Variants in LMBR1 observed in about 807,000 individuals in gnomAD.
LMBR1 encodes limb region 1 protein homolog.
LMBR1 carries 52 observed loss-of-function variants against 73.9 expected under a neutral mutation model. The ratio of observed to expected loss-of-function variants is 0.70; its 90% CI spans 0.56 to 0.89. LMBR1 has a LOEUF of 0.89. Ranked by LOEUF, LMBR1 falls within the 40% of genes least tolerant of loss-of-function variation. LMBR1 has a pLI of 0.00. For synonymous variants in LMBR1, 215 were observed against 209.4 expected, an observed-to-expected ratio of 1.03 and a Z score of -0.23; for missense variants, 539 against 579.8, an observed-to-expected ratio of 0.93 and a Z score of 0.72.
At chr7:156,720,587 C>T (rs1479380237) in intron 15 of LMBR1, among the ~76,000 whole-genome samples, 1 of 151,868 alleles carries the variant, frequency 6.6e-6, no homozygotes, top group Non-Finnish European at 1.5e-5. Context: ...TATATATAAG[C>T]TTATTGCTCA....
At chr7:156,708,609 T>C (rs960305250) in intron 15 of LMBR1, among the ~76,000 whole-genome samples, 1 of 145,582 alleles carries the variant, frequency 6.9e-6, no homozygotes, top group African/African-American at 2.7e-5. Flanking sequence ...CAACTGAAAT[T>C]TGTAATAACT....
At chr7:156,849,419 C>T (rs191905617) in intron 1 of LMBR1, among the ~76,000 whole-genome samples, 2 of 152,124 alleles carry the variant, frequency 1.3e-5, no homozygotes, top group African/African-American at 4.8e-5. Flanking sequence ...ATCTGGGTGA[C>T]AAAATAATCT....
intron 4 of LMBR1, among the ~76,000 whole-genome samples, chr7:156,812,831 C>A (rs1833325347): frequency 6.6e-6 from 1 of 152,120 alleles, no homozygotes; most frequent in Admixed American, 6.5e-5. Context: ...ACACTCTAGC[C>A]CCCTTGGTCT....
intron 5 of LMBR1, among the ~76,000 whole-genome samples, chr7:156,786,636 C>T (rs1828163358): frequency 6.6e-6 from 1 of 152,090 alleles, no homozygotes; most frequent in South Asian, 2.1e-4. Flanking sequence ...TATCAAATTA[C>T]TAAGAGTTTA....
At chr7:156,713,618 T>G (rs942118677) in intron 15 of LMBR1, among the ~76,000 whole-genome samples, 2 of 151,708 alleles carry the variant, frequency 1.3e-5, no homozygotes, top group Non-Finnish European at 2.9e-5. Flanking sequence ...TGATGGTGGA[T>G]AGGGGAACAC....
In LMBR1 at chr7:156,697,273, G is replaced by A. The variant is rs1250562627; in HGVS notation, c.1226-9082C>T. 2.0e-5 allele frequency among the ~76,000 whole-genome samples: 3 copies of A among 152,316 alleles called. No homozygotes were observed. The East Asian group carries it at 5.8e-4, about 29-fold the overall frequency. On this transcript the variant is annotated intron_variant, in intron 15 of 16. Transcript: ENST00000353442. The stretch of plus-strand genomic sequence containing the variant: ...AATAAGGATCTAACAAAGATCACAT[G>A]CTTCTGAGGGAACAGGACAAAGGGA...
chr7:156,832,330 T>C (rs1451759569), intron 3 of LMBR1, among the ~76,000 whole-genome samples: 1 of 152,220 alleles, frequency 6.6e-6, no homozygotes, highest in Non-Finnish European at 1.5e-5. Flanking sequence ...GAAATTCACA[T>C]TACATAAAAT....
At chr7:156,748,129 TTC>T (rs1334659582) in intron 9 of LMBR1, among the ~76,000 whole-genome samples, 1 of 152,312 alleles carries the variant, frequency 6.6e-6, no homozygotes, top group East Asian at 1.9e-4. Flanking sequence ...AAATAATAGT[TTC>T]TTTTTACTTC....
chr7:156,710,244 G>A (rs1182107406), intron 15 of LMBR1, among the ~76,000 whole-genome samples: 1 of 152,014 alleles, frequency 6.6e-6, no homozygotes, highest in African/African-American at 2.4e-5. Context: ...AGATACAAGA[G>A]AAAGGTGAAA....
chr7:156,866,195 T>A (rs1364026851), intron 1 of LMBR1, among the ~76,000 whole-genome samples: 1 of 152,138 alleles, frequency 6.6e-6, no homozygotes, highest in Non-Finnish European at 1.5e-5. Flanking sequence ...GGGTCTTATG[T>A]CTAGATTATG....
intron 1 of LMBR1, among the ~76,000 whole-genome samples, chr7:156,880,984 A>G (rs1181523183): frequency 1.3e-5 from 2 of 152,174 alleles, no homozygotes; most frequent in African/African-American, 4.8e-5. Flanking sequence ...CAGAAATAGA[A>G]AAAATAATTC....
intron 12 of LMBR1, among the ~76,000 whole-genome samples, chr7:156,726,335 A>T (rs1652014987): frequency 6.6e-6 from 1 of 152,196 alleles, no homozygotes; most frequent in Non-Finnish European, 1.5e-5. Flanking sequence ...TCCTTTGCCC[A>T]AATTTTCCTT....
intron 15 of LMBR1, among the ~76,000 whole-genome samples, chr7:156,719,390 A>G (rs1372965156): frequency 1.3e-5 from 2 of 152,138 alleles, no homozygotes; most frequent in African/African-American, 4.8e-5. Context: ...ATTGTTGGAC[A>G]TTTGGATTGG....
intron 4 of LMBR1, among the ~76,000 whole-genome samples, chr7:156,812,755 C>T (rs138098235): frequency 0.01 from 1,551 of 152,266 alleles, 18 homozygotes; most frequent in Non-Finnish European, 0.011. Flanking sequence ...CCCATTAATT[C>T]TACCCATCAG....
intron 1 of LMBR1, among the ~76,000 whole-genome samples, chr7:156,854,153 T>C (rs1331477094): frequency 1.3e-5 from 2 of 152,100 alleles, no homozygotes; most frequent in African/African-American, 4.8e-5. Context: ...AAACTGAAAG[T>C]CAACAACTCT....
At chr7:156,887,667 A>T (rs1802158336) in intron 1 of LMBR1, among the ~76,000 whole-genome samples, 1 of 152,152 alleles carries the variant, frequency 6.6e-6, no homozygotes, top group African/African-American at 2.4e-5. Flanking sequence ...AAATAGATCA[A>T]TTGGACTACA....
intron 5 of LMBR1, among the ~76,000 whole-genome samples, chr7:156,765,577 T>C (rs1823929835): frequency 6.6e-6 from 1 of 152,216 alleles, no homozygotes; most frequent in Non-Finnish European, 1.5e-5. Flanking sequence ...CCTTTAACAA[T>C]GACTTCTCTC....
intron 9 of LMBR1, among the ~76,000 whole-genome samples, chr7:156,754,229 C>T (rs1331477195): frequency 6.6e-6 from 1 of 152,126 alleles, no homozygotes; most frequent in African/African-American, 2.4e-5. Flanking sequence ...CCTACAGCAC[C>T]ATCAAATAAA....
intron 8 of LMBR1, among the ~76,000 whole-genome samples, chr7:156,757,655 C>CA (rs942737594): frequency 2.6e-5 from 4 of 151,874 alleles, no homozygotes; most frequent in Non-Finnish European, 4.4e-5. Flanking sequence ...TCACACTCAG[C>CA]AAAAAAAATA....
Sources: gnomAD v4.1 joint callset for allele counts (sites outside exome capture counted in the v4.1 genomes callset) on GRCh38, gnomAD v4.1.1 for gene constraint, MANE v1.5 for transcripts, NCBI Gene and HGNC (gene_info 2026-07-23, HGNC 2026-07-21) for gene names.